ASTN2: variants seen among roughly 807,000 people sequenced by gnomAD.
The protein encoded by ASTN2 is astrotactin-2.
ASTN2 carries 54 observed loss-of-function variants against 139.8 expected under a neutral mutation model. That is an observed-to-expected ratio of 0.39 (90% CI 0.31 to 0.48). The LOEUF is 0.48. Among genes scored for constraint, ASTN2 ranks in the 20% least tolerant of loss-of-function variants. The pLI is 0.95. For missense variants in ASTN2, 1,565 were observed against 1,725.1 expected (o/e 0.91, Z 1.64); for synonymous variants, 756 against 719.5 (o/e 1.05, Z -0.81).
Position 116,976,124 on chromosome 9 carries a change from T to C in ASTN2, c.1741A>G (p.Lys581Glu), listed in dbSNP as rs765057514. The C allele has an allele frequency of 4.9e-5, 79 of 1,614,026 alleles. No individual in the cohort carries two copies. Among genetic ancestry groups the C allele is most frequent in the Non-Finnish European group, 6.4e-5 (76 of 1,180,026 alleles). Residue 581 changes from lysine to glutamate, a missense_variant, in exon 9 of 23, where the codon AAG (lysine) becomes GAG (glutamate). This residue lies in a region of ASTN2 where 503 missense variants were observed against 591.7 expected (regional missense o/e 0.85). Transcript: ENST00000313400. ...AGAAAGCCAACTCACCTGAGAATCTTTTCAGGGGCTTGCTCCCCTGTCACC... is the reference window on the plus strand; with the variant it reads ...AGAAAGCCAACTCACCTGAGAATCTCTTCAGGGGCTTGCTCCCCTGTCACC... ...DLVTGEQAPE[K>E]ILRSTFSLGQ...
intron 15 of ASTN2, among the ~76,000 whole-genome samples, chr9:116,728,476 C>T (rs528980715): frequency 1.3e-5 from 2 of 152,042 alleles, no homozygotes; most frequent in South Asian, 4.2e-4. Flanking sequence ...AAATTGTTGC[C>T]ATCTGTTGGA....
chr9:116,459,400 A>T (rs774363314), intron 20 of ASTN2, among the ~76,000 whole-genome samples: 20 of 152,206 alleles, frequency 1.3e-4, no homozygotes, highest in Non-Finnish European at 2.5e-4. Flanking sequence ...AACAAAAAAC[A>T]TACATAAATT....
intron 10 of ASTN2, among the ~76,000 whole-genome samples, chr9:116,926,759 A>G (rs1475805364): frequency 2.0e-5 from 3 of 152,186 alleles, no homozygotes; most frequent in Non-Finnish European, 4.4e-5. Flanking sequence ...GAATAAGTTA[A>G]CTCAAGGTCA....
intron 19 of ASTN2, among the ~76,000 whole-genome samples, chr9:116,508,490 G>A (rs1202798249): frequency 6.6e-6 from 1 of 151,986 alleles, no homozygotes; most frequent in Non-Finnish European, 1.5e-5. Flanking sequence ...GTGTGAGTGT[G>A]TGTGTGTGTG....
intron 20 of ASTN2, among the ~76,000 whole-genome samples, chr9:116,451,451 T>TAA (rs34420505): frequency 6.9e-6 from 1 of 145,204 alleles, no homozygotes; most frequent in East Asian, 2.0e-4. Context: ...GAAACACCCA[T>TAA]AAAAAAAAAA....
At chr9:116,526,162 C>G (rs1436061707) in intron 19 of ASTN2, among the ~76,000 whole-genome samples, 1 of 152,162 alleles carries the variant, frequency 6.6e-6, no homozygotes, top group Non-Finnish European at 1.5e-5. Context: ...TGATTTCTTT[C>G]ACAAAAAGGA....
At chr9:117,206,006 G>C (rs141205656) in intron 3 of ASTN2, among the ~76,000 whole-genome samples, 1,710 of 152,324 alleles carry the variant, frequency 0.011, 35 homozygotes, top group African/African-American at 0.039. Context: ...TATGTGAAAA[G>C]GAGCAAGAGG....
intron 5 of ASTN2, among the ~76,000 whole-genome samples, chr9:117,081,241 T>A (rs1012474389): frequency 6.6e-6 from 1 of 152,236 alleles, no homozygotes; most frequent in Admixed American, 6.5e-5. Context: ...GCTGTTCTCA[T>A]GACAAATGCC....
At chr9:117,094,572 G>A (rs913664213) in intron 5 of ASTN2, among the ~76,000 whole-genome samples, 1 of 151,986 alleles carries the variant, frequency 6.6e-6, no homozygotes, top group Non-Finnish European at 1.5e-5. Context: ...CAGTTTTCTG[G>A]CTAAGATCAA....
chr9:116,739,187 T>G (rs1418461358), intron 13 of ASTN2, among the ~76,000 whole-genome samples: 1 of 152,154 alleles, frequency 6.6e-6, no homozygotes, highest in Non-Finnish European at 1.5e-5. Flanking sequence ...CAAACACTTA[T>G]TGGAGCTCTA....
At chr9:117,285,297 T>C (rs950483398) in intron 2 of ASTN2, among the ~76,000 whole-genome samples, 3 of 151,998 alleles carry the variant, frequency 2.0e-5, no homozygotes, top group Non-Finnish European at 4.4e-5. Context: ...TTTTTTTTTT[T>C]TCTATCTCTT....
intron 10 of ASTN2, among the ~76,000 whole-genome samples, chr9:116,917,840 T>C (rs1010560627): frequency 6.6e-6 from 1 of 152,198 alleles, no homozygotes; most frequent in African/African-American, 2.4e-5. Context: ...ATGGGAGATA[T>C]GGTACTAGCC....
intron 13 of ASTN2, among the ~76,000 whole-genome samples, chr9:116,762,855 A>C (rs1182243818): frequency 6.6e-6 from 1 of 152,202 alleles, no homozygotes; most frequent in Non-Finnish European, 1.5e-5. Flanking sequence ...GCCTTTTCAG[A>C]AAGTTTGTTC....
chr9:116,567,359 C>G (rs535081577), intron 19 of ASTN2, among the ~76,000 whole-genome samples: 1 of 152,318 alleles, frequency 6.6e-6, no homozygotes, highest in South Asian at 2.1e-4. Flanking sequence ...GGGTGGCACC[C>G]TTGACAGCCC....
intron 4 of ASTN2, among the ~76,000 whole-genome samples, chr9:117,136,746 T>C (rs1263584374): frequency 6.6e-6 from 1 of 152,178 alleles, no homozygotes; most frequent in African/African-American, 2.4e-5. Flanking sequence ...TATGAGACGC[T>C]GCAGGCCAAT....
At chr9:117,273,436 AG>A (rs1272951482) in intron 2 of ASTN2, among the ~76,000 whole-genome samples, 1 of 152,212 alleles carries the variant, frequency 6.6e-6, no homozygotes, top group Non-Finnish European at 1.5e-5. Flanking sequence ...TCACAGGTAA[AG>A]GTTAGTTAAC....
chr9:116,978,663 A>T (rs944063811), intron 7 of ASTN2, among the ~76,000 whole-genome samples: 1 of 152,184 alleles, frequency 6.6e-6, no homozygotes, highest in Admixed American at 6.5e-5. Context: ...ATTTTTCTTA[A>T]AAGTTTTATT....
chr9:117,051,064 C>T (rs10983477), intron 5 of ASTN2, among the ~76,000 whole-genome samples: 25,749 of 152,098 alleles, frequency 0.17, 2,737 homozygotes, highest in Middle Eastern at 0.3. Context: ...AACCCTATCT[C>T]ATATATTTTC....
chr9:117,109,137 C>T (rs1217260505), intron 4 of ASTN2, among the ~76,000 whole-genome samples: 2 of 149,672 alleles, frequency 1.3e-5, no homozygotes, highest in African/African-American at 4.9e-5. Context: ...CAAAAATTAG[C>T]TGGGCGTGGA....
Sources: gnomAD v4.1 joint callset for allele counts (sites outside exome capture counted in the v4.1 genomes callset) on GRCh38, gnomAD v4.1.1 for gene constraint, gnomAD v4.1.1 regional missense constraint, MANE v1.5 for transcripts, NCBI Gene and HGNC (gene_info 2026-07-23, HGNC 2026-07-21) for gene names.